The following TACR3 variants were observed in gnomAD, a reference collection of about 807,000 sequenced individuals.
TACR3 encodes tachykinin receptor 3.
TACR3 carries 34 observed loss-of-function variants against 35.0 expected under a neutral mutation model. The ratio of observed to expected loss-of-function variants is 0.97; its 90% confidence interval spans 0.74 to 1.30. The LOEUF (loss-of-function observed/expected upper bound fraction) is 1.30. TACR3 is among the 50% of genes most tolerant of loss of function. The pLI, the probability that TACR3 is intolerant of heterozygous loss-of-function variation, is 0.00. For synonymous variants in TACR3, 233 were observed against 221.1 expected, an observed-to-expected ratio of 1.05 and a Z score of -0.48; for missense variants, 558 against 591.7, an observed-to-expected ratio of 0.94 and a Z score of 0.59.
chr4:103,692,293 C>T (rs1394204979), intron 1 of TACR3, among the ~76,000 whole-genome samples: 4 of 151,988 alleles, frequency 2.6e-5, no homozygotes, highest in Non-Finnish European at 4.4e-5. Flanking sequence ...AAAAATTAGA[C>T]TTAAAGACAT....
intron 1 of TACR3, among the ~76,000 whole-genome samples, chr4:103,694,815 T>C (rs918179617): frequency 2.0e-5 from 3 of 152,126 alleles, no homozygotes; most frequent in Non-Finnish European, 4.4e-5. Context: ...TATTATTAAA[T>C]ATAGAGAGAG....
intron 1 of TACR3, among the ~76,000 whole-genome samples, chr4:103,696,224 A>T (rs1722517796): frequency 6.6e-6 from 1 of 152,182 alleles, no homozygotes; most frequent in Non-Finnish European, 1.5e-5. Context: ...AATCAAAATG[A>T]TCATATAAAC....
intron 3 of TACR3, among the ~76,000 whole-genome samples, chr4:103,647,384 T>C (rs1220416510): frequency 6.6e-6 from 1 of 151,954 alleles, no homozygotes; most frequent in African/African-American, 2.4e-5. Flanking sequence ...TACTAAATTA[T>C]TCTCAAATTG....
At chr4:103,682,881 T>G (rs1170365761) in intron 1 of TACR3, among the ~76,000 whole-genome samples, 3 of 152,122 alleles carry the variant, frequency 2.0e-5, no homozygotes, top group African/African-American at 4.8e-5. Context: ...ACTTGATTTT[T>G]TAAAGCCAGC....
At chr4:103,593,473 T>C (rs1723938533) in intron 3 of TACR3, 1 of 152,152 alleles carries the variant, frequency 6.6e-6, no homozygotes, top group Non-Finnish European at 1.5e-5. Context: ...AAATAATATT[T>C]ATGAGAATGT....
intron 3 of TACR3, among the ~76,000 whole-genome samples, chr4:103,607,180 A>T (rs1724394978): frequency 2.0e-5 from 3 of 151,866 alleles, no homozygotes; most frequent in Admixed American, 1.3e-4. Context: ...GACTTAGCAA[A>T]TCATACTTAT....
chr4:103,610,890 C>T (rs542933060), intron 3 of TACR3, among the ~76,000 whole-genome samples: 1 of 152,076 alleles, frequency 6.6e-6, no homozygotes, highest in Non-Finnish European at 1.5e-5. Flanking sequence ...TGTCCTTTCC[C>T]CAATGTGTGT....
chr4:103,675,618 T>C (rs936827177), intron 1 of TACR3, among the ~76,000 whole-genome samples: 1 of 152,130 alleles, frequency 6.6e-6, no homozygotes, highest in Non-Finnish European at 1.5e-5. Context: ...TCCTAGAATC[T>C]GAAATGAAGA....
chr4:103,698,413 A>G (rs987196892), intron 1 of TACR3, among the ~76,000 whole-genome samples: 1 of 144,202 alleles, frequency 6.9e-6, no homozygotes, highest in Non-Finnish European at 1.5e-5. Flanking sequence ...AAAGTCTCAA[A>G]TCTTTTTCTC....
In TACR3 at chr4:103,689,962, A is replaced by G. The variant is rs190558852; in HGVS notation, c.548+29166T>C. Among the ~76,000 whole-genome samples, 21 of 152,268 alleles carry G rather than the reference A, an allele frequency of 1.4e-4. No homozygotes were observed. In the East Asian group the frequency reaches 3.5e-3, roughly 25 times the overall value. ...ACAAAATATCCTTGCAGTTGACAAGAGAAAAATAATTAATTGCACACAAGA... is the reference window on the plus strand; with the variant it reads ...ACAAAATATCCTTGCAGTTGACAAGGGAAAAATAATTAATTGCACACAAGA... On this transcript the variant is annotated intron_variant, in intron 1 of 4. Transcript: ENST00000304883.
At chr4:103,708,227 G>A (rs1722843977) in intron 1 of TACR3, among the ~76,000 whole-genome samples, 1 of 152,202 alleles carries the variant, frequency 6.6e-6, no homozygotes, top group South Asian at 2.1e-4. Context: ...TGACCCCTGA[G>A]TAGCCTAAAT....
chr4:103,623,171 TGTG>T (rs1331170998), intron 3 of TACR3, among the ~76,000 whole-genome samples: 1 of 152,114 alleles, frequency 6.6e-6, no homozygotes, highest in Non-Finnish European at 1.5e-5. Context: ...TAAATCTTCC[TGTG>T]AAGAAGATTT....
At chr4:103,622,858 A>G (rs1286238419) in intron 3 of TACR3, among the ~76,000 whole-genome samples, 1 of 152,196 alleles carries the variant, frequency 6.6e-6, no homozygotes, top group Non-Finnish European at 1.5e-5. Context: ...GACCCAGAGG[A>G]GACTAATGTC....
chr4:103,687,268 T>A (rs57195932), intron 1 of TACR3, among the ~76,000 whole-genome samples: 5,760 of 152,238 alleles, frequency 0.038, 126 homozygotes, highest in Non-Finnish European at 0.05. Context: ...GAGCTATCTA[T>A]GACAAATCCA....
chr4:103,603,545 G>A (rs1279345931), intron 3 of TACR3, among the ~76,000 whole-genome samples: 2 of 152,160 alleles, frequency 1.3e-5, no homozygotes, highest in African/African-American at 4.8e-5. Flanking sequence ...GTGTATATGT[G>A]CCATATTTTC....
chr4:103,670,263 T>A (rs891280503), intron 1 of TACR3, among the ~76,000 whole-genome samples: 5 of 152,108 alleles, frequency 3.3e-5, no homozygotes, highest in Non-Finnish European at 7.4e-5. Context: ...AGTCAGGTAA[T>A]GTAATTCCTC....
At chr4:103,700,013 C>A (rs988335783) in intron 1 of TACR3, among the ~76,000 whole-genome samples, 5 of 152,072 alleles carry the variant, frequency 3.3e-5, no homozygotes, top group Non-Finnish European at 7.4e-5. Flanking sequence ...GTGCCCCATA[C>A]CTATACAACA....
rs769742678 is a variant in TACR3, at chr4:103,719,502, C to T, written c.174G>A (p.Leu58=). The T allele has an allele frequency of 6.2e-7, 1 of 1,611,108 alleles. No individual in the cohort carries two copies. The highest frequency in any genetic ancestry group is 1.7e-5 in the Admixed American group (1 of 59,970). ...AGNLSSSPSA[L]GLPVASPAPS... ...GCGCGGGGGAAGCCACAGGCAGTCC[C>T]AGCGCGGAAGGGGAGGAGGAGAGGT... The change falls in exon 1 of 5, where the codon CTG becomes CTA. Residue 58 remains leucine (L), a synonymous_variant. Coordinates refer to ENST00000304883, the MANE Select transcript of TACR3 (RefSeq NM_001059.3).
intron 3 of TACR3, among the ~76,000 whole-genome samples, chr4:103,642,184 C>A (rs12646382): frequency 0.36 from 54,836 of 150,644 alleles, 10,604 homozygotes; most frequent in African/African-American, 0.5. Context: ...AGCTTGATTC[C>A]ATCATCCAAA....
Sources: gnomAD v4.1 joint callset for allele counts (sites outside exome capture counted in the v4.1 genomes callset) on GRCh38, gnomAD v4.1.1 for gene constraint, MANE v1.5 for transcripts, NCBI Gene and HGNC (gene_info 2026-07-23, HGNC 2026-07-21) for gene names.